Variants in MAST2 observed in about 807,000 individuals in gnomAD.
MAST2 encodes the protein microtubule-associated serine/threonine-protein kinase 2.
Under a neutral mutation model 147.4 loss-of-function variants are expected in MAST2, and 70 were observed. The observed-to-expected ratio is 0.47, with a 90% CI of 0.39 to 0.58. MAST2 has a LOEUF of 0.58. Ranked by LOEUF, MAST2 falls within the 20% of genes least tolerant of loss-of-function variation. MAST2 has a pLI of 0.00. For synonymous variants in MAST2, 869 were observed against 896.8 expected (o/e 0.97, Z 0.55); for missense variants, 2,080 against 2,302.3 (o/e 0.90, Z 1.98).
Position 46,036,025 on chromosome 1 carries a change from G to A in MAST2, c.5356G>A (p.Asp1786Asn), listed in dbSNP as rs1646893339. The A allele has an allele frequency of 6.2e-7, 1 of 1,612,982 alleles. No individual in the cohort carries two copies. The highest frequency in any genetic ancestry group is 1.1e-5 in the South Asian group (1 of 91,000). ...ACCAGGGGGCCATCAAAAGCATCGG[G>A]ATTTGGCATTGGTTCCAGATGAGCT... ...QEPGGHQKHR[D>N]LALVPDELLK... The change falls in exon 29 of 29, where the codon GAT (aspartate) becomes AAT (asparagine). Residue 1786 changes from aspartate to asparagine, a missense_variant. Asp to Asn is a conservative substitution (Grantham distance 23). Transcript: ENST00000361297.
At chr1:45,911,017 T>C (rs1329752155) in intron 4 of MAST2, among the ~76,000 whole-genome samples, 3 of 152,156 alleles carry the variant, frequency 2.0e-5, no homozygotes, top group Non-Finnish European at 4.4e-5. Flanking sequence ...TAATTTGTTT[T>C]GTGTGTGTGT....
rs569436391 is a variant in MAST2 at position 45,947,070 on chromosome 1, A to G, written c.501-12316A>G. Among the ~76,000 whole-genome samples the G allele has an allele frequency of 3.9e-5, 6 of 152,298 alleles. No individual in the cohort carries two copies. The South Asian group carries it at 1.2e-3, about 32-fold the overall frequency. On this transcript the variant is annotated intron_variant, in intron 4 of 28. Transcript: ENST00000361297. ...TTCAAGTTAGATTAGGCCTTCAAAT[A>G]ATGTTATTATTTTATCTTGACTTAG...
At chr1:46,030,381 C>T in intron 21 of MAST2, 143 bp downstream of exon 21, 4 of 885,096 alleles carry the variant, frequency 4.5e-6, no homozygotes, top group Non-Finnish European at 6.9e-6. Flanking sequence ...GTTGGGGCTA[C>T]ATATAGCTAT....
intron 4 of MAST2, among the ~76,000 whole-genome samples, chr1:45,955,637 C>G (rs1269595563): frequency 6.6e-6 from 1 of 152,098 alleles, no homozygotes; most frequent in African/African-American, 2.4e-5. Flanking sequence ...GGGGAGCAAG[C>G]CTTGAGGCAA....
At chr1:45,895,573 G>A (rs1310324586) in intron 4 of MAST2, among the ~76,000 whole-genome samples, 4 of 152,230 alleles carry the variant, frequency 2.6e-5, no homozygotes, top group African/African-American at 7.2e-5. Context: ...GATGGTCCAC[G>A]TGAGGTGTAC....
At position 46,034,236 on chromosome 1, in the gene MAST2, T is replaced by C. The variant is rs769553104; in HGVS notation, c.3838T>C (p.Tyr1280His). The C allele has an allele frequency of 1.2e-6, 2 of 1,613,862 alleles. No homozygotes were observed. Among genetic ancestry groups the C allele is most frequent in the South Asian group, 1.1e-5 (1 of 91,070 alleles). The change falls in exon 28 of 29, where the codon TAC (tyrosine) becomes CAC (histidine). Residue 1280 changes from tyrosine to histidine, a missense_variant. Coordinates refer to ENST00000361297, the MANE Select transcript of MAST2 (RefSeq NM_015112.3). ...SLSPRSPTQG[Y>H]RVTPDAVHSV... ...TTCCCCCCGATCTCCCACTCAAGGC[T>C]ACCGGGTGACCCCCGATGCTGTGCA...
rs563138805 is a variant in MAST2 at position 45,935,426 on chromosome 1, C to G, written c.501-23960C>G. Among the ~76,000 whole-genome samples, 4 of 152,130 alleles carry G rather than the reference C, an allele frequency of 2.6e-5. No individual in the cohort carries two copies. The South Asian group carries it at 8.3e-4, about 32-fold the overall frequency. ...AGGTCCCATTTGTCAATTTTTGTTT[C>G]TGTTGCAATTGCTTTTGGTGTCTTC... On this transcript the variant is annotated intron_variant, in intron 4 of 28. Transcript: ENST00000361297.
At chr1:46,029,072 G>T in intron 18 of MAST2, 139 bp downstream of exon 18, 1 of 979,426 alleles carries the variant, frequency 1.0e-6, no homozygotes, top group Non-Finnish European at 1.5e-6. Flanking sequence ...CTTTGGGGAT[G>T]GGTGTCTCTG....
intron 3 of MAST2, among the ~76,000 whole-genome samples, chr1:45,872,638 G>A (rs1277633879): frequency 2.6e-5 from 4 of 152,020 alleles, no homozygotes; most frequent in East Asian, 1.9e-4. Flanking sequence ...GCGCTACCAC[G>A]CCCTGCTAAT....
At chr1:45,938,660 T>C (rs953956015) in intron 4 of MAST2, among the ~76,000 whole-genome samples, 1 of 152,218 alleles carries the variant, frequency 6.6e-6, no homozygotes, top group Non-Finnish European at 1.5e-5. Context: ...CCAAACTGTT[T>C]TCTGCAGTGG....
chr1:46,015,470 C>A (rs1645897196), intron 10 of MAST2, among the ~76,000 whole-genome samples: 1 of 152,122 alleles, frequency 6.6e-6, no homozygotes, highest in African/African-American at 2.4e-5. Flanking sequence ...CAAATAGGCA[C>A]AATAAAAAGT....
chr1:45,902,282 C>T (rs1410774519), intron 4 of MAST2, among the ~76,000 whole-genome samples: 1 of 152,164 alleles, frequency 6.6e-6, no homozygotes, highest in Admixed American at 6.5e-5. Context: ...TGGTGAATCA[C>T]ATTTATTGAT....
chr1:45,921,964 C>A (rs971560779), intron 4 of MAST2, among the ~76,000 whole-genome samples: 1 of 152,172 alleles, frequency 6.6e-6, no homozygotes, highest in Non-Finnish European at 1.5e-5. Flanking sequence ...CAAAGGGGAA[C>A]TTTATTGAGT....
chr1:45,969,600 T>A (rs1643827305), intron 5 of MAST2, among the ~76,000 whole-genome samples: 1 of 151,990 alleles, frequency 6.6e-6, no homozygotes, highest in Non-Finnish European at 1.5e-5. Context: ...ACACTTCTTA[T>A]TAGAATCTAA....
At chr1:45,810,221 G>T (rs1644250404) in intron 1 of MAST2, among the ~76,000 whole-genome samples, 1 of 152,284 alleles carries the variant, frequency 6.6e-6, no homozygotes, top group Middle Eastern at 3.4e-3. Flanking sequence ...AAAGGAAATA[G>T]AATATTTTTG....
intron 4 of MAST2, chr1:45,917,204 T>G: frequency 2.6e-6 from 1 of 385,956 alleles, no homozygotes; most frequent in Non-Finnish European, 4.7e-6. Flanking sequence ...TACTGAAGTA[T>G]GATATTGGAG....
In MAST2 at chr1:45,915,709, C is replaced by CAA. The variant is rs58479623; in HGVS notation, c.500+33328_500+33329dup. 3.1e-3 allele frequency among the ~76,000 whole-genome samples: 403 copies of CAA among 130,698 alleles called. 4 individuals carry two copies. Among genetic ancestry groups the CAA allele is most frequent in the East Asian group, 7.2e-3 (33 of 4,558 alleles). 85.7% of individuals were successfully genotyped at this position (130,698 alleles called of 152,430 possible). On this transcript the variant is annotated intron_variant, in intron 4 of 28. Coordinates refer to ENST00000361297, the MANE Select transcript of MAST2 (RefSeq NM_015112.3). ...TGGGTGACAGAGTGAGACTCTGTCT[C>CAA]AAAAAAAAAAAAAAAGGAAAGAAAA...
intron 6 of MAST2, 53 bp downstream of exon 6, chr1:45,997,852 G>A (rs1433036697): frequency 2.1e-6 from 3 of 1,423,910 alleles, no homozygotes; most frequent in South Asian, 1.1e-5. Context: ...ACTTGCATGA[G>A]GGTTAATTGA....
At chr1:45,898,668 C>T (rs982623955) in intron 4 of MAST2, among the ~76,000 whole-genome samples, 1 of 152,192 alleles carries the variant, frequency 6.6e-6, no homozygotes, top group Non-Finnish European at 1.5e-5. Context: ...TGTTCAGGGC[C>T]TTCCTACCAG....
Sources: allele counts gnomAD v4.1 joint callset (sites outside exome capture counted in the v4.1 genomes callset), GRCh38; gene constraint gnomAD v4.1.1; transcripts MANE v1.5; gene names NCBI Gene and HGNC (gene_info 2026-07-23, HGNC 2026-07-21).